Variants in TTBK2 observed in about 807,000 individuals in gnomAD.
The protein encoded by TTBK2 is tau tubulin kinase 2, also known as tau-tubulin kinase 2.
Under a neutral mutation model 110.8 loss-of-function variants are expected in TTBK2, and 28 were observed. That is an observed-to-expected ratio of 0.25 (90% CI 0.19 to 0.35). The LOEUF is 0.35. Ranked by LOEUF, TTBK2 falls within the 10% of genes least tolerant of loss-of-function variation. The pLI is 1.00. For missense variants in TTBK2, 1,369 were observed against 1,500.3 expected (o/e 0.91, Z 1.45); for synonymous variants, 532 against 527.3 (o/e 1.01, Z -0.12).
chr15:42,801,604 A>C (rs764844077), intron 9 of TTBK2: 3 of 790,404 alleles, frequency 3.8e-6, no homozygotes, highest in Admixed American at 1.7e-5. Flanking sequence ...TGCGGTTGGC[A>C]ATCTCCTCGT....
chr15:42,794,911 T>C (rs1890867697), intron 9 of TTBK2, 110 bp from the exon 10 acceptor site: 3 of 1,460,586 alleles, frequency 2.1e-6, no homozygotes, highest in Admixed American at 1.9e-5. Context: ...GTGATTTTCT[T>C]TAAAAACTGA....
At chr15:42,868,444 T>G (rs1312178640) in intron 3 of TTBK2, among the ~76,000 whole-genome samples, 2 of 152,144 alleles carry the variant, frequency 1.3e-5, no homozygotes, top group East Asian at 3.8e-4. Flanking sequence ...TACATGCATG[T>G]GTGAGGGCAG....
chr15:42,916,909 T>A lies in TTBK2; in HGVS notation c.-68+3529A>T, dbSNP rs144118873. Reference sequence around the variant, plus strand: ...ATAAAACCATTTTGGTAAAAACATATATAATGGCAAATATGTTTTCTAATT... The same window carrying A: ...ATAAAACCATTTTGGTAAAAACATAAATAATGGCAAATATGTTTTCTAATT... On this transcript the variant is annotated intron_variant, in intron 1 of 14. Coordinates refer to ENST00000267890, the MANE Select transcript of TTBK2 (RefSeq NM_173500.4). Among the ~76,000 whole-genome samples the A allele has an allele frequency of 3.4e-4, 52 of 152,190 alleles. No homozygotes were observed. In the East Asian group the frequency reaches 9.8e-3, roughly 29 times the overall value.
In TTBK2 at chr15:42,830,041, C is replaced by A; in HGVS notation, c.329G>T (p.Arg110Leu). 1 of 1,614,066 alleles carries A rather than the reference C, an allele frequency of 6.2e-7. No homozygotes were observed. The highest frequency in any genetic ancestry group is 2.2e-5 in the East Asian group (1 of 44,876). ...NLADLRRSQS[R>L]GTFTISTTLR... ...AGTGGTACTAATGGTGAATGTGCCT[C>A]GGGACTGGCTACGGCGAAGATCTGC... is the stretch of plus-strand genomic sequence containing the variant. The change falls in exon 5 of 15, where the codon CGA becomes CTA. Residue 110 changes from arginine to leucine, a missense_variant. This residue lies in a region of TTBK2 where 122 missense variants were observed against 159.7 expected (regional missense o/e 0.76). Coordinates refer to ENST00000267890, the MANE Select transcript of TTBK2 (RefSeq NM_173500.4).
At chr15:42,815,958 A>AAAAAAAATATATATATATAT (rs71108183) in intron 7 of TTBK2, among the ~76,000 whole-genome samples, 2 of 91,694 alleles carry the variant, frequency 2.2e-5, no homozygotes, top group Admixed American at 1.3e-4. Flanking sequence ...TTAAAAAAAA[A>AAAAAAAATATATATATATAT]ATATATATAT....
chr15:42,747,862 A>C (rs2061816999), intron 14 of TTBK2, among the ~76,000 whole-genome samples: 1 of 152,224 alleles, frequency 6.6e-6, no homozygotes, highest in Non-Finnish European at 1.5e-5. Flanking sequence ...ATGGGAAATG[A>C]GTATTGCAAT....
Position 42,811,746 on chromosome 15 carries a change from A to C in TTBK2, c.638T>G (p.Phe213Cys). The C allele has an allele frequency of 6.2e-7, 1 of 1,613,784 alleles. No individual in the cohort carries two copies. The highest frequency in any genetic ancestry group is 8.5e-7 in the Non-Finnish European group (1 of 1,179,808). ...MGRHDDLWSL[F>C]YMLVEFVVGQ... is the part of the protein sequence containing the mutation. ...AACCACAAACTCCACCAACATGTAGAATAAGGACCAAAGGTCATCATGTCT... is the reference window on the plus strand; with the variant it reads ...AACCACAAACTCCACCAACATGTAGCATAAGGACCAAAGGTCATCATGTCT... Residue 213 changes from phenylalanine to cysteine, a missense_variant, in exon 8 of 15, where the codon TTC (phenylalanine) becomes TGC (cysteine). Physicochemically the swap from Phe to Cys is radical, Grantham distance 205. This residue lies in a region of TTBK2 where 138 missense variants were observed against 179.0 expected (regional missense o/e 0.77). Coordinates refer to ENST00000267890, the MANE Select transcript of TTBK2 (RefSeq NM_173500.4).
intron 1 of TTBK2, among the ~76,000 whole-genome samples, chr15:42,908,639 CTTG>C (rs2030559826): frequency 1.3e-5 from 2 of 152,108 alleles, no homozygotes; most frequent in African/African-American, 2.4e-5. Context: ...TTTGTTGTTG[CTTG>C]TTGTTGCTTG....
intron 1 of TTBK2, among the ~76,000 whole-genome samples, chr15:42,917,961 A>G (rs1407992091): frequency 6.6e-6 from 1 of 152,136 alleles, no homozygotes; most frequent in African/African-American, 2.4e-5. Context: ...GAAGTAAGCT[A>G]TAGCTATATT....
At chr15:42,846,484 T>C (rs1893471761) in intron 3 of TTBK2, among the ~76,000 whole-genome samples, 2 of 152,128 alleles carry the variant, frequency 1.3e-5, no homozygotes, top group South Asian at 2.1e-4. Flanking sequence ...GCCCAGCCTT[T>C]TTCCTAATAG....
At chr15:42,904,363 A>T (rs2030249613) in intron 1 of TTBK2, among the ~76,000 whole-genome samples, 1 of 152,196 alleles carries the variant, frequency 6.6e-6, no homozygotes, top group Admixed American at 6.5e-5. Flanking sequence ...ACTTAGCTAC[A>T]GTACCAATAT....
chr15:42,814,098 T>C (rs1891840546), intron 7 of TTBK2, among the ~76,000 whole-genome samples: 1 of 151,692 alleles, frequency 6.6e-6, no homozygotes, highest in African/African-American at 2.4e-5. Flanking sequence ...ATCGGCTCAC[T>C]GCAACCTCCG....
chr15:42,865,491 T>C (rs995190799), intron 3 of TTBK2, among the ~76,000 whole-genome samples: 9 of 130,114 alleles, frequency 6.9e-5, no homozygotes, highest in Non-Finnish European at 1.5e-4. Context: ...AGAAAAAGAA[T>C]GGAAGACAAA....
rs1008206996 is a variant in TTBK2, at chr15:42,810,550, A to G, written c.822+64T>C. ...TCATTTATAACACCTTCAAAGCTAC[A>G]ATGAGTGAAAGCATAGACTAAGAGA... On this transcript the variant is annotated intron_variant, in intron 9 of 14. Coordinates refer to ENST00000267890, the MANE Select transcript of TTBK2 (RefSeq NM_173500.4). 6.2e-6 allele frequency: 10 copies of G among 1,602,418 alleles called. No individual in the cohort carries two copies. In the Admixed American group the frequency reaches 6.7e-5, roughly 11 times the overall value.
At chr15:42,884,310 T>C (rs1220920378) in intron 1 of TTBK2, among the ~76,000 whole-genome samples, 1 of 152,244 alleles carries the variant, frequency 6.6e-6, no homozygotes, top group African/African-American at 2.4e-5. Context: ...TATTGTGGCT[T>C]ATATTAATAA....
chr15:42,823,274 C>T (rs1229895318), intron 6 of TTBK2, among the ~76,000 whole-genome samples: 2 of 152,046 alleles, frequency 1.3e-5, no homozygotes, highest in African/African-American at 2.4e-5. Flanking sequence ...AAGCAGGATA[C>T]ATACAAAAAA....
At chr15:42,868,456 C>T (rs1217300606) in intron 3 of TTBK2, among the ~76,000 whole-genome samples, 2 of 152,006 alleles carry the variant, frequency 1.3e-5, no homozygotes, top group African/African-American at 4.8e-5. Context: ...TGAGGGCAGG[C>T]AATATATAGG....
rs747336557 is a variant in TTBK2 at position 42,746,097 on chromosome 15, C to T, written c.3433G>A (p.Val1145Ile). The change falls in exon 15 of 15, where the codon GTT becomes ATT. Residue 1145 changes from valine to isoleucine, a missense_variant. Around this residue, in one of 4 missense-constraint regions of TTBK2, gnomAD observed 1,097 missense variants for 1,114.7 expected, o/e 0.98. Transcript: ENST00000267890. ...HNPKTPPKSP[V>I]VPRRSPSASP... ...GCACTGGGACTCCTGCGAGGGACAA[C>T]TGGACTCTTGGGTGGTGTTTTTGGA... 5.0e-6 allele frequency: 8 copies of T among 1,614,074 alleles called. No individual in the cohort carries two copies. The highest frequency in any genetic ancestry group is 2.2e-5 in the South Asian group (2 of 91,062).
chr15:42,781,575 T>C (rs1890179721), intron 11 of TTBK2, among the ~76,000 whole-genome samples: 1 of 152,130 alleles, frequency 6.6e-6, no homozygotes, highest in African/African-American at 2.4e-5. Context: ...TATGTTGTGG[T>C]TTCGATTTCA....
Sources: gnomAD v4.1 joint callset for allele counts (sites outside exome capture counted in the v4.1 genomes callset) on GRCh38, gnomAD v4.1.1 for gene constraint, gnomAD v4.1.1 regional missense constraint, MANE v1.5 for transcripts, NCBI Gene and HGNC (gene_info 2026-07-23, HGNC 2026-07-21) for gene names.